Variants in SH3TC1 observed in about 807,000 individuals in gnomAD.
SH3TC1 encodes the protein SH3 domain and tetratricopeptide repeat-containing protein 1.
Under a neutral mutation model 117.3 loss-of-function variants are expected in SH3TC1, and 135 were observed. The ratio of observed to expected loss-of-function variants is 1.15; its 90% CI spans 1.00 to 1.33. The LOEUF (loss-of-function observed/expected upper bound fraction) is 1.33. Ranked by LOEUF, SH3TC1 falls within the 40% of genes most tolerant of loss-of-function variation. SH3TC1 has a pLI of 0.00. For missense variants in SH3TC1, 2,092 were observed against 1,794.3 expected (o/e 1.17, Z -3.00); for synonymous variants, 898 against 816.9 (o/e 1.10, Z -1.69).
intron 8 of SH3TC1, among the ~76,000 whole-genome samples, 194 bp from the exon 9 acceptor site, chr4:8,219,141 A>G (rs1719641098): frequency 6.6e-6 from 1 of 152,178 alleles, no homozygotes; most frequent in Non-Finnish European, 1.5e-5. Context: ...TCTTCAACAG[A>G]GGGATAAAAA....
intron 8 of SH3TC1, among the ~76,000 whole-genome samples, 191 bp from the exon 9 acceptor site, chr4:8,219,144 G>A (rs1438245323): frequency 1.3e-5 from 2 of 152,194 alleles, no homozygotes; most frequent in Non-Finnish European, 2.9e-5. Flanking sequence ...TCAACAGAGG[G>A]ATAAAAACAT....
chr4:8,217,027 C>T lies in SH3TC1; in HGVS notation c.699C>T (p.Gly233=), dbSNP rs1404739639. 2 of 1,613,512 alleles carry T rather than the reference C, an allele frequency of 1.2e-6. No individual in the cohort carries two copies. Among genetic ancestry groups the T allele is most frequent in the Non-Finnish European group, 1.7e-6 (2 of 1,179,718 alleles). ...VMTGPRDAGN[G]PQALRQASGA... ...CGGGTCCCCGGGATGCAGGAAATGGCCCCCAGGCCCTCAGGCAGGCTTCGG... is the reference window on the plus strand; with the variant it reads ...CGGGTCCCCGGGATGCAGGAAATGGTCCCCAGGCCCTCAGGCAGGCTTCGG... Residue 233 remains glycine, a synonymous_variant, in exon 7 of 18, where the codon GGC becomes GGT. Transcript: ENST00000245105.
chr4:8,239,193 G>C (rs1471807515), intron 17 of SH3TC1, among the ~76,000 whole-genome samples: 1 of 150,038 alleles, frequency 6.7e-6, no homozygotes, highest in African/African-American at 2.5e-5. Flanking sequence ...CCACCCACTA[G>C]CTGCTGCACG....
At chr4:8,201,045 G>A (rs1337684246) in intron 1 of SH3TC1, among the ~76,000 whole-genome samples, 2 of 152,206 alleles carry the variant, frequency 1.3e-5, no homozygotes, top group Middle Eastern at 3.2e-3. Flanking sequence ...TGAAAGGACA[G>A]TGTCACCCCA....
intron 15 of SH3TC1, chr4:8,235,988 T>C (rs79013405): frequency 0.026 from 11,569 of 448,046 alleles, 227 homozygotes; most frequent in South Asian, 0.051. Flanking sequence ...CACAGATAAA[T>C]GTCGTGTTTT....
Position 8,205,074 on chromosome 4 carries a change from TG to T in SH3TC1, c.-28-91del, listed in dbSNP as rs1561679984. On this transcript the variant is annotated intron_variant, in intron 1 of 17. Transcript: ENST00000245105. The surrounding 1 kb of genome is among the most constrained non-coding windows in gnomAD (Gnocchi z 5.4). ...GAAAGGTGCAGGCGCTCAGCAACGCTGGTGTTCTCTTTCTGGACCCCAGGCC... is the reference window on the plus strand; with the variant it reads ...GAAAGGTGCAGGCGCTCAGCAACGCTGTGTTCTCTTTCTGGACCCCAGGCC... The T allele has an allele frequency of 1.9e-6, 2 of 1,037,672 alleles. No homozygotes were observed. The highest frequency in any genetic ancestry group is 2.7e-6 in the Non-Finnish European group (2 of 740,534). The allele number at this position is 1,037,672 out of a possible 1,614,324, so 64.3% of individuals were successfully genotyped here.
In SH3TC1 at chr4:8,232,075, C is replaced by G; in HGVS notation, c.3050C>G (p.Ala1017Gly). 1 of 1,613,490 alleles carries G rather than the reference C, an allele frequency of 6.2e-7. No homozygotes were observed. Among genetic ancestry groups the G allele is most frequent in the Non-Finnish European group, 8.5e-7 (1 of 1,180,006 alleles). Reference protein sequence around the residue: ...VIYHELQLSLACKVADKVLEG... With the variant: ...VIYHELQLSLGCKVADKVLEG... ...TACCATGAGCTCCAGCTCTCCCTGG[C>G]CTGCAAGGTGGCCGACAAGGTGCTG... is the stretch of plus-strand genomic sequence containing the variant. The change falls in exon 13 of 18, where the codon GCC (alanine) becomes GGC (glycine). Residue 1017 changes from alanine to glycine, a missense_variant. Transcript: ENST00000245105.
rs765418388 is a variant in SH3TC1 at position 8,219,375 on chromosome 4, G to C, written c.957G>C (p.Ser319=). Residue 319 remains serine (S), a synonymous_variant, in exon 9 of 18, where the codon TCG becomes TCC. Coordinates refer to ENST00000245105, the MANE Select transcript of SH3TC1 (RefSeq NM_018986.5). ...LASALADFQG[S]GPEEMTFRGG... ...CGGCATTGGCAGACTTCCAGGGCTCGGGGCCCGAAGAGATGACCTTCCGAG... is the reference window on the plus strand; with the variant it reads ...CGGCATTGGCAGACTTCCAGGGCTCCGGGCCCGAAGAGATGACCTTCCGAG... 6.2e-7 allele frequency: 1 copy of C among 1,606,132 alleles called. No homozygotes were observed.
chr4:8,227,725 C>T lies in SH3TC1; in HGVS notation c.2031C>T (p.His677=), dbSNP rs191585949. The T allele has an allele frequency of 7.2e-5, 114 of 1,591,934 alleles. No homozygotes were observed. The African/African-American group carries it at 1.2e-3, about 17-fold the overall frequency. The change falls in exon 12 of 18, where the codon CAC becomes CAT. Residue 677 remains histidine, a synonymous_variant. Coordinates refer to ENST00000245105, the MANE Select transcript of SH3TC1 (RefSeq NM_018986.5). The stretch of plus-strand genomic sequence containing the variant: ...TCCTGCTGGCCAGGCACCACGTGCA[C>T]CTCAAGCAGCCCGAGGAGGCCCTGC... ...ACFLLARHHV[H]LKQPEEALPF...
chr4:8,233,852 CATCATCCATCCATTCACCT>C (rs1467701288), intron 14 of SH3TC1, among the ~76,000 whole-genome samples: 2 of 150,884 alleles, frequency 1.3e-5, no homozygotes, highest in Non-Finnish European at 3.0e-5. Context: ...TCCATCCTTC[CATCATCCATCCATTCACCT>C]ATCATCCTTC....
intron 12 of SH3TC1, among the ~76,000 whole-genome samples, chr4:8,230,415 C>A (rs891547524): frequency 6.6e-6 from 1 of 152,126 alleles, no homozygotes; most frequent in Admixed American, 6.5e-5. Context: ...GGATGACAGG[C>A]GTGAGCCATG....
chr4:8,216,142 C>T lies in SH3TC1; in HGVS notation c.513C>T (p.Leu171=), dbSNP rs776082223. ...GFTHHCLANL[L]MDQAFWLLLP... ...CTCATCACTGCCTGGCAAACCTGCT[C>T]ATGGACCAGGCCTTCTGGCTGCTCT... Residue 171 remains leucine (L), a synonymous_variant, in exon 6 of 18, where the codon CTC becomes CTT. Transcript: ENST00000245105. The T allele has an allele frequency of 1.2e-6, 2 of 1,613,652 alleles. No homozygotes were observed. Among genetic ancestry groups the T allele is most frequent in the East Asian group, 2.2e-5 (1 of 44,882 alleles).
At chr4:8,226,863 C>T (rs921508161) in intron 11 of SH3TC1, 117 bp from the exon 12 acceptor site, 17 of 661,402 alleles carry the variant, frequency 2.6e-5, no homozygotes, top group African/African-American at 1.3e-4. Context: ...AGGGTGGTAT[C>T]GTCTGGAAAG....
At chr4:8,229,708 T>TG (rs1032996561) in intron 12 of SH3TC1, among the ~76,000 whole-genome samples, 4 of 149,112 alleles carry the variant, frequency 2.7e-5, no homozygotes, top group East Asian at 2.0e-4. Flanking sequence ...CAAGGAGGAG[T>TG]GGGGGGGTTC....
intron 9 of SH3TC1, among the ~76,000 whole-genome samples, chr4:8,222,134 T>A (rs1389316924): frequency 6.6e-6 from 1 of 152,026 alleles, no homozygotes; most frequent in Non-Finnish European, 1.5e-5. Context: ...AGCACTGAGG[T>A]TGTACAGAAT....
intron 13 of SH3TC1, 199 bp downstream of exon 13, chr4:8,232,355 T>C (rs1721313504): frequency 1.3e-6 from 2 of 1,574,594 alleles, no homozygotes; most frequent in Non-Finnish European, 1.7e-6. Context: ...CAGCTTGAGC[T>C]TCCCTTGTTG....
rs188987327 is a variant in SH3TC1 at position 8,209,993 on chromosome 4, C to T, written c.247+171C>T. Among the ~76,000 whole-genome samples, 151 of 152,328 alleles carry T rather than the reference C, an allele frequency of 9.9e-4. 1 individual carries two copies. The highest frequency in any genetic ancestry group is 3.4e-3 in the African/African-American group (141 of 41,580). On this transcript the variant is annotated intron_variant, in intron 3 of 17. Transcript: ENST00000245105. This position sits in a 1 kb window ranked among gnomAD's most constrained non-coding sequence, Gnocchi z 5.9. ...TTTGTTAAATGCGCATGCCCAGGTC[C>T]TGCACCCAGAGGGGGACATGGCCCC...
chr4:8,198,631 G>C (rs1717640913), upstream of SH3TC1, among the ~76,000 whole-genome samples: 1 of 152,250 alleles, frequency 6.6e-6, no homozygotes, highest in African/African-American at 2.4e-5. Context: ...CTCAAACCTG[G>C]CTCAGGCCTG....
intron 12 of SH3TC1, among the ~76,000 whole-genome samples, chr4:8,229,707 G>T (rs1043982957): frequency 6.6e-6 from 1 of 151,896 alleles, no homozygotes; most frequent in Non-Finnish European, 1.5e-5. Context: ...CCAAGGAGGA[G>T]TGGGGGGGTT....
Sources: allele counts gnomAD v4.1 joint callset (sites outside exome capture counted in the v4.1 genomes callset), GRCh38; gene constraint gnomAD v4.1.1; non-coding constraint Gnocchi (gnomAD v3.1); transcripts MANE v1.5; gene names NCBI Gene and HGNC (gene_info 2026-07-23, HGNC 2026-07-21).